Variants in ZNF563 observed in about 807,000 individuals in gnomAD.
ZNF563 encodes zinc finger protein 563.
Under a neutral mutation model 48.5 loss-of-function variants are expected in ZNF563, and 39 were observed. That is an observed-to-expected ratio of 0.80 (90% CI 0.62 to 1.05). The LOEUF (loss-of-function observed/expected upper bound fraction) is 1.05. Ranked by LOEUF, ZNF563 falls within the 50% of genes least tolerant of loss-of-function variation. The pLI, the probability that ZNF563 is intolerant of heterozygous loss-of-function variation, is 0.00. For missense variants in ZNF563, 538 were observed against 597.0 expected, an observed-to-expected ratio of 0.90 and a Z score of 1.03; for synonymous variants, 168 against 187.9, an observed-to-expected ratio of 0.89 and a Z score of 0.87.
At chr19:12,333,645 T>TGA, upstream of ZNF563, 1 of 1,076,640 alleles carries the variant, frequency 9.3e-7, no homozygotes, top group Non-Finnish European at 1.3e-6. Flanking sequence ...AGTCTAGAGC[T>TGA]GAGCGCAGGG....
At chr19:12,346,320 A>G in the ZNF563 span, 10 of 152,334 alleles carry the variant, frequency 6.6e-5, no homozygotes, top group African/African-American at 2.4e-4. Flanking sequence ...ATATATAAAC[A>G]ACCAACAAAA....
intron 1 of ZNF563, among the ~76,000 whole-genome samples, chr19:12,333,107 T>G (rs1968962609): frequency 6.6e-6 from 1 of 152,140 alleles, no homozygotes; most frequent in Non-Finnish European, 1.5e-5. Flanking sequence ...AAACAGAGAC[T>G]GAGGATCCCA....
Position 12,319,129 on chromosome 19 carries a change from T to G in ZNF563, c.896A>C (p.His299Pro), listed in dbSNP as rs745769518. The G allele has an allele frequency of 1.9e-6, 3 of 1,614,208 alleles. No homozygotes were observed. In the Admixed American group the frequency reaches 5.0e-5, roughly 27 times the overall value. ...TTTCTCTGCACTGTGAGTGGTTTCA[T>G]GTCTTCGAAGGGAACTGGAAACACT... ...AFSVSSSLRRHETTHSAEKPY... is the reference protein window; with the variant it reads ...AFSVSSSLRRPETTHSAEKPY... Residue 299 changes from histidine (H) to proline (P), a missense_variant, in exon 4 of 4, where the codon CAT (histidine) becomes CCT (proline). His to Pro is a moderately conservative substitution (Grantham distance 77). Coordinates refer to ENST00000293725, the MANE Select transcript of ZNF563 (RefSeq NM_145276.3).
Position 12,319,202 on chromosome 19 carries a change from G to A in ZNF563, c.823C>T (p.His275Tyr). ...SSSYIRHERT[H>Y]TGEKPYTCKQ... ...CATGTATATGGTTTCTCTCCAGTGT[G>A]AGTTCTTTCATGTCTTATATAGGAA... Residue 275 changes from histidine (H) to tyrosine (Y), a missense_variant, in exon 4 of 4, where the codon CAC becomes TAC. His to Tyr is a moderately conservative substitution (Grantham distance 83). Transcript: ENST00000293725. 1 of 1,614,146 alleles carries A rather than the reference G, an allele frequency of 6.2e-7. No individual in the cohort carries two copies.
At chr19:12,331,267 C>G (rs1968909226) in intron 1 of ZNF563, among the ~76,000 whole-genome samples, 1 of 152,156 alleles carries the variant, frequency 6.6e-6, no homozygotes, top group African/African-American at 2.4e-5. Context: ...GACTGGAACA[C>G]AGACAAGTCT....
intron 3 of ZNF563, among the ~76,000 whole-genome samples, chr19:12,320,192 C>T (rs945944285): frequency 5.3e-5 from 8 of 152,150 alleles, no homozygotes; most frequent in Non-Finnish European, 1.2e-4. Context: ...GCTGGGATTA[C>T]AGAAGTGAGT....
chr19:12,320,508 AT>A lies in ZNF563; in HGVS notation c.192-676del, dbSNP rs982767428. Among the ~76,000 whole-genome samples, 6 of 148,620 alleles carry A rather than the reference AT, an allele frequency of 4.0e-5. No homozygotes were observed. In the South Asian group the frequency reaches 8.5e-4, roughly 21 times the overall value. On this transcript the variant is annotated intron_variant, in intron 3 of 3. Coordinates refer to ENST00000293725, the MANE Select transcript of ZNF563 (RefSeq NM_145276.3). ...AGGTGTGCACCAACACACTTGGCTA[AT>A]TTTTTTTTTGAGACGGAGTCTTGCT...
In ZNF563 at chr19:12,318,797, T is replaced by C; in HGVS notation, c.1228A>G (p.Arg410Gly). 1 of 1,613,788 alleles carries C rather than the reference T, an allele frequency of 6.2e-7. No individual in the cohort carries two copies. Among genetic ancestry groups the C allele is most frequent in the African/African-American group, 1.3e-5 (1 of 74,884 alleles). The change falls in exon 4 of 4, where the codon AGA (arginine) becomes GGA (glycine). Residue 410 changes from arginine to glycine, a missense_variant. Coordinates refer to ENST00000293725, the MANE Select transcript of ZNF563 (RefSeq NM_145276.3). ...TCTCCACTGTGAGACTTTTCGTGTCTTTGACATACACTAGGATAAACAAAA... is the reference window on the plus strand; with the variant it reads ...TCTCCACTGTGAGACTTTTCGTGTCCTTGACATACACTAGGATAAACAAAA... ...KAFVYPSVCQ[R>G]HEKSHSGEKP...
chr19:12,329,972 G>T (rs1599576053), intron 1 of ZNF563, among the ~76,000 whole-genome samples: 3 of 151,462 alleles, frequency 2.0e-5, no homozygotes, highest in Admixed American at 6.6e-5. Context: ...CCAGGCTGGA[G>T]TGCAATGGCA....
At chr19:12,347,384 A>C in the ZNF563 span, 1 of 152,206 alleles carries the variant, frequency 6.6e-6, no homozygotes, top group Non-Finnish European at 1.5e-5. Flanking sequence ...GTTGGAAACC[A>C]TTATGGAGTG....
At chr19:12,331,668 G>T (rs1270621578) in intron 1 of ZNF563, among the ~76,000 whole-genome samples, 2 of 152,176 alleles carry the variant, frequency 1.3e-5, no homozygotes, top group East Asian at 3.9e-4. Context: ...CCCCTGGGAG[G>T]CCCCAGCCCT....
At chr19:12,334,863 G>A (rs1968999637), upstream of ZNF563, among the ~76,000 whole-genome samples, 1 of 111,442 alleles carries the variant, frequency 9.0e-6, no homozygotes, top group Non-Finnish European at 1.8e-5. Context: ...AGTGAGACCT[G>A]GTCTCAAAAA....
At chr19:12,326,079 T>A (rs1968786338) in intron 1 of ZNF563, among the ~76,000 whole-genome samples, 2 of 152,136 alleles carry the variant, frequency 1.3e-5, no homozygotes. Context: ...ATATGGCTCA[T>A]CAATGGAAAA....
At position 12,319,065 on chromosome 19, in the gene ZNF563, A is replaced by G; in HGVS notation, c.960T>C (p.His320=). The G allele has an allele frequency of 6.2e-7, 1 of 1,614,170 alleles. No homozygotes were observed. Among genetic ancestry groups the G allele is most frequent in the Non-Finnish European group, 8.5e-7 (1 of 1,180,030 alleles). The change falls in exon 4 of 4, where the codon CAT becomes CAC. Residue 320 remains histidine (H), a synonymous_variant. Coordinates refer to ENST00000293725, the MANE Select transcript of ZNF563 (RefSeq NM_145276.3). Reference sequence around the variant, plus strand: ...TCATGTGTATCTGAAAGCTTCCAAGATGATGAAATGTTTTCCCGCATTGCT... The same window carrying G: ...TCATGTGTATCTGAAAGCTTCCAAGGTGATGAAATGTTTTCCCGCATTGCT... ...ECKQCGKTFH[H]LGSFQIHMKR...
chr19:12,319,528 TTTCCAGTGTGAGGCC>T lies in ZNF563; in HGVS notation c.482_496del (p.Arg161_Gly165del), dbSNP rs750491493. On this transcript the variant is annotated inframe_deletion, in exon 4 of 4. Transcript: ENST00000293725. ...ACATTCCTTACACTCATAGCGTTTC[TTTCCAGTGTGAGGCC>T]TTCCACGCGACTGAAAGGAGTGATG... 6.8e-6 allele frequency: 11 copies of T among 1,614,122 alleles called. No homozygotes were observed. Among genetic ancestry groups the T allele is most frequent in the African/African-American group, 1.3e-5 (1 of 74,944 alleles).
intron 1 of ZNF563, among the ~76,000 whole-genome samples, chr19:12,332,852 C>A (rs1968957035): frequency 1.3e-5 from 2 of 152,150 alleles, no homozygotes; most frequent in African/African-American, 4.8e-5. Context: ...TTGCTTCTTT[C>A]GCTAATAACT....
chr19:12,326,665 C>T (rs922728180), intron 1 of ZNF563, among the ~76,000 whole-genome samples: 1 of 151,176 alleles, frequency 6.6e-6, no homozygotes, highest in Admixed American at 6.6e-5. Context: ...CAGCTAAAAT[C>T]AAGATAAAAC....
chr19:12,336,320 C>T (rs982749556), upstream of ZNF563, among the ~76,000 whole-genome samples: 6 of 152,082 alleles, frequency 3.9e-5, no homozygotes, highest in South Asian at 2.1e-4. Context: ...AGGCCAGGCG[C>T]GGTGGCTCAC....
In ZNF563 at chr19:12,321,451, A is replaced by G. The variant is rs11666633; in HGVS notation, c.131-119T>C. On this transcript the variant is annotated intron_variant, in intron 2 of 3. Coordinates refer to ENST00000293725, the MANE Select transcript of ZNF563 (RefSeq NM_145276.3). ...CATCAAACTACAGTTAATTCTGTAC[A>G]GTTTGGGGGTGGAGGCAGAGTCTCA... 3,485 of 569,150 alleles carry G rather than the reference A, an allele frequency of 6.1e-3. 17 individuals are homozygous for G. The highest frequency in any genetic ancestry group is 7.6e-3 in the Non-Finnish European group (2,812 of 372,036). The allele number at this position is 569,150 out of a possible 1,614,324, so 35.3% of individuals were successfully genotyped here. A position where few individuals can be genotyped will look rare whatever the true frequency, so the allele number is the denominator to read the frequency against.
Sources: gnomAD v4.1 joint callset for allele counts (sites outside exome capture counted in the v4.1 genomes callset) on GRCh38, gnomAD v4.1.1 for gene constraint, MANE v1.5 for transcripts, NCBI Gene and HGNC (gene_info 2026-07-23, HGNC 2026-07-21) for gene names.